Variants in ENOX1 observed in about 807,000 individuals in gnomAD.
The protein encoded by ENOX1 is candidate growth-related and time keeping constitutive hydroquinone (NADH) oxidase.
Under a neutral mutation model 82.5 loss-of-function variants are expected in ENOX1, and 42 were observed. The observed-to-expected ratio is 0.51, with a 90% CI of 0.40 to 0.66. The LOEUF is 0.66. Among genes scored for constraint, ENOX1 ranks in the 30% least tolerant of loss-of-function variants. ENOX1 has a pLI of 0.00. For synonymous variants in ENOX1, 271 were observed against 282.2 expected, an observed-to-expected ratio of 0.96 and a Z score of 0.40; for missense variants, 608 against 811.6, an observed-to-expected ratio of 0.75 and a Z score of 3.05.
intron 3 of ENOX1, among the ~76,000 whole-genome samples, chr13:43,462,469 T>C (rs2057530327): frequency 6.6e-6 from 1 of 152,206 alleles, no homozygotes. Flanking sequence ...TTAACTTATA[T>C]TACAATTCAA....
intron 1 of ENOX1, among the ~76,000 whole-genome samples, chr13:43,702,859 A>G (rs1343629186): frequency 1.4e-5 from 2 of 146,016 alleles, no homozygotes; most frequent in African/African-American, 5.0e-5. Flanking sequence ...AGGCTGAGGC[A>G]GAAGTATGGC....
chr13:43,331,991 G>C (rs2048435533), intron 9 of ENOX1, among the ~76,000 whole-genome samples: 1 of 152,136 alleles, frequency 6.6e-6, no homozygotes, highest in Non-Finnish European at 1.5e-5. Flanking sequence ...ATTTCAAATA[G>C]AGGAAGAAAA....
chr13:43,288,037 C>T (rs1304194818), intron 12 of ENOX1, among the ~76,000 whole-genome samples: 1 of 152,040 alleles, frequency 6.6e-6, no homozygotes, highest in Non-Finnish European at 1.5e-5. Flanking sequence ...CCTTGAACAG[C>T]CTAAAGAAAG....
At chr13:43,595,847 C>T (rs975150237) in intron 2 of ENOX1, among the ~76,000 whole-genome samples, 1 of 152,194 alleles carries the variant, frequency 6.6e-6, no homozygotes, top group African/African-American at 2.4e-5. Context: ...CTTTACCAGT[C>T]ATTAGCCTGA....
At chr13:43,680,869 A>G (rs1475390537) in intron 1 of ENOX1, among the ~76,000 whole-genome samples, 1 of 151,778 alleles carries the variant, frequency 6.6e-6, no homozygotes, top group Non-Finnish European at 1.5e-5. Context: ...TCCAACCTTC[A>G]TCATTATTCT....
intron 12 of ENOX1, among the ~76,000 whole-genome samples, chr13:43,289,691 A>G (rs73465413): frequency 7.4e-4 from 113 of 152,328 alleles, no homozygotes; most frequent in African/African-American, 2.7e-3. Flanking sequence ...TGAGTCCCCA[A>G]AAGCAATTGT....
chr13:43,227,959 C>G (rs2042101510), intron 15 of ENOX1, among the ~76,000 whole-genome samples: 1 of 152,128 alleles, frequency 6.6e-6, no homozygotes, highest in Non-Finnish European at 1.5e-5. Context: ...ACCTCCCACT[C>G]CTGCATCTGT....
At chr13:43,291,506 C>T (rs572368431) in intron 12 of ENOX1, among the ~76,000 whole-genome samples, 2 of 152,304 alleles carry the variant, frequency 1.3e-5, no homozygotes, top group Admixed American at 1.3e-4. Flanking sequence ...CAGCTATCTT[C>T]ACTCCAAAGT....
At chr13:43,667,402 ATAAT>A (rs2085035402) in intron 2 of ENOX1, 73 bp downstream of exon 2, 1 of 900,560 alleles carries the variant, frequency 1.1e-6, no homozygotes, top group South Asian at 5.1e-5. Context: ...TGCCAGAGGT[ATAAT>A]TAAACTACAT....
chr13:43,292,623 TAA>T (rs34528970), intron 12 of ENOX1, among the ~76,000 whole-genome samples: 8 of 149,110 alleles, frequency 5.4e-5, no homozygotes, highest in African/African-American at 7.4e-5. Flanking sequence ...GGACAAGGTT[TAA>T]AAAAAAAAAC....
intron 5 of ENOX1, among the ~76,000 whole-genome samples, chr13:43,365,589 G>A (rs1003426218): frequency 6.6e-6 from 1 of 152,222 alleles, no homozygotes; most frequent in Non-Finnish European, 1.5e-5. Context: ...AATAAAGTTT[G>A]CAGGAACATC....
chr13:43,610,039 G>A (rs952113954), intron 2 of ENOX1: 1 of 238,920 alleles, frequency 4.2e-6, no homozygotes, highest in African/African-American at 2.3e-5. Context: ...AAGTATAAAA[G>A]AATCTCAGCA....
chr13:43,340,617 C>G (rs2048994826), intron 9 of ENOX1, among the ~76,000 whole-genome samples: 1 of 152,196 alleles, frequency 6.6e-6, no homozygotes. Context: ...TAGCCTCTGA[C>G]CAAGAATTTG....
intron 1 of ENOX1, among the ~76,000 whole-genome samples, chr13:43,764,790 T>C (rs1476408326): frequency 2.0e-5 from 3 of 152,242 alleles, no homozygotes; most frequent in Non-Finnish European, 4.4e-5. Flanking sequence ...TAACATTTCC[T>C]CATGTCTGTG....
chr13:43,341,288 T>G (rs2049040301), intron 9 of ENOX1, among the ~76,000 whole-genome samples: 1 of 135,620 alleles, frequency 7.4e-6, no homozygotes, highest in African/African-American at 3.0e-5. Context: ...AGAGTGAGAC[T>G]CCATCTCAAA....
chr13:43,707,589 T>G (rs1239719455), intron 1 of ENOX1, among the ~76,000 whole-genome samples: 1 of 151,670 alleles, frequency 6.6e-6, no homozygotes, highest in East Asian at 1.9e-4. Context: ...AAAAATTAGC[T>G]GGGCGTGGTG....
At chr13:43,480,949 C>T (rs970262344) in intron 3 of ENOX1, among the ~76,000 whole-genome samples, 1 of 152,160 alleles carries the variant, frequency 6.6e-6, no homozygotes, top group Non-Finnish European at 1.5e-5. Flanking sequence ...CCTTCTCAAA[C>T]TCTTCTAAAA....
chr13:43,547,648 A>G (rs2079028635), intron 2 of ENOX1: 1 of 152,238 alleles, frequency 6.6e-6, no homozygotes, highest in Admixed American at 6.5e-5. Flanking sequence ...GTTTGTCAGC[A>G]AACAGCACAG....
intron 3 of ENOX1, among the ~76,000 whole-genome samples, chr13:43,439,095 T>TG (rs1381035906): frequency 6.7e-6 from 1 of 149,108 alleles, no homozygotes; most frequent in African/African-American, 2.5e-5. Flanking sequence ...CAAGCTGGAG[T>TG]GCAGTGGTGC....
Sources: allele counts gnomAD v4.1 joint callset (sites outside exome capture counted in the v4.1 genomes callset), GRCh38; gene constraint gnomAD v4.1.1; transcripts MANE v1.5; gene names NCBI Gene and HGNC (gene_info 2026-07-23, HGNC 2026-07-21).